Variants in MYO1D observed in about 807,000 individuals in gnomAD.
MYO1D encodes the protein myosin ID, also known as unconventional myosin-Id.
Under a neutral mutation model 122.0 loss-of-function variants are expected in MYO1D, and 83 were observed. The observed-to-expected ratio is 0.68, with a 90% CI of 0.57 to 0.82. MYO1D has a LOEUF of 0.82. Ranked by LOEUF, MYO1D falls within the 40% of genes least tolerant of loss-of-function variation. MYO1D has a pLI of 0.00. For synonymous variants in MYO1D, 464 were observed against 446.9 expected (o/e 1.04, Z -0.48); for missense variants, 1,157 against 1,269.5 (o/e 0.91, Z 1.35).
Position 32,532,145 on chromosome 17 carries a change from G to A in MYO1D, c.2865-37230C>T, listed in dbSNP as rs114406331. 6.1e-3 allele frequency among the ~76,000 whole-genome samples: 923 copies of A among 152,278 alleles called. 10 individuals carry two copies. Among genetic ancestry groups the A allele is most frequent in the African/African-American group, 0.022 (896 of 41,550 alleles). ...TCAGCTGACAATTTCCAATTTAAGC[G>A]GTGAGAAGTCAGTTCTTTAAAACAA... On this transcript the variant is annotated intron_variant, in intron 21 of 21. Coordinates refer to ENST00000318217, the MANE Select transcript of MYO1D (RefSeq NM_015194.3).
At chr17:32,694,872 C>T (rs1005580096) in intron 16 of MYO1D, among the ~76,000 whole-genome samples, 1 of 151,992 alleles carries the variant, frequency 6.6e-6, no homozygotes, top group Admixed American at 6.6e-5. Flanking sequence ...GCTTCTGTAC[C>T]TTCTACCTCT....
chr17:32,792,292 A>G (rs1355118945), intron 1 of MYO1D, among the ~76,000 whole-genome samples: 2 of 152,222 alleles, frequency 1.3e-5, no homozygotes, highest in Non-Finnish European at 2.9e-5. Flanking sequence ...ACCAATTTAA[A>G]CTTCTGCTTA....
intron 3 of MYO1D, among the ~76,000 whole-genome samples, chr17:32,778,112 G>C (rs1036002796): frequency 1.3e-5 from 2 of 152,082 alleles, no homozygotes; most frequent in African/African-American, 4.8e-5. Context: ...GTGAGAGTTT[G>C]AACAATAAAA....
In MYO1D at chr17:32,773,245, C is replaced by T. The variant is rs530688586; in HGVS notation, c.565-403G>A. On this transcript the variant is annotated intron_variant, in intron 4 of 21. Transcript: ENST00000318217. ...CTCAACCTCTTTCTCCTTTCAATTT[C>T]GGCGCCACCCTTCAATCTCCCCCTT... Among the ~76,000 whole-genome samples the T allele has an allele frequency of 4.6e-5, 7 of 152,324 alleles. No individual in the cohort carries two copies. In the South Asian group the frequency reaches 6.2e-4, roughly 14 times the overall value.
At chr17:32,532,555 G>A (rs1192074569) in intron 21 of MYO1D, among the ~76,000 whole-genome samples, 2 of 151,870 alleles carry the variant, frequency 1.3e-5, no homozygotes, top group Non-Finnish European at 2.9e-5. Context: ...GTGAAACCCC[G>A]TCTCTACTAA....
chr17:32,763,107 AC>A (rs1375182615), intron 8 of MYO1D, among the ~76,000 whole-genome samples: 2 of 117,746 alleles, frequency 1.7e-5, no homozygotes, highest in African/African-American at 2.8e-5. Flanking sequence ...AATGGCATGA[AC>A]CCGGAAGGCA....
At chr17:32,629,247 G>A (rs187551725) in intron 20 of MYO1D, among the ~76,000 whole-genome samples, 76 of 152,118 alleles carry the variant, frequency 5.0e-4, no homozygotes, top group African/African-American at 1.7e-3. Context: ...AACAGGTTAC[G>A]CACACAGGAT....
intron 21 of MYO1D, among the ~76,000 whole-genome samples, chr17:32,549,788 C>T (rs770100821): frequency 5.9e-5 from 9 of 152,262 alleles, no homozygotes; most frequent in East Asian, 5.8e-4. Flanking sequence ...ATGAAGGACA[C>T]GTTAATTGCA....
chr17:32,870,577 AT>A (rs2091169815), intron 1 of MYO1D, among the ~76,000 whole-genome samples: 1 of 147,426 alleles, frequency 6.8e-6, no homozygotes, highest in African/African-American at 2.5e-5. Context: ...AAAGTACAGT[AT>A]TTTGAGAAGA....
intron 1 of MYO1D, among the ~76,000 whole-genome samples, chr17:32,797,503 C>T (rs529100279): frequency 2.8e-4 from 42 of 152,214 alleles, no homozygotes; most frequent in Non-Finnish European, 5.0e-4. Context: ...GAAGATATTT[C>T]GAGAGAAACA....
intron 16 of MYO1D, among the ~76,000 whole-genome samples, chr17:32,701,546 A>G (rs926666529): frequency 2.4e-4 from 36 of 152,196 alleles, no homozygotes; most frequent in African/African-American, 7.9e-4. Context: ...TTTAAGGTAC[A>G]TTACTCTTTT....
intron 16 of MYO1D, among the ~76,000 whole-genome samples, chr17:32,711,443 C>T (rs544247291): frequency 6.6e-6 from 1 of 152,220 alleles, no homozygotes; most frequent in Non-Finnish European, 1.5e-5. Context: ...GTCACGAGTT[C>T]GAGACCAGCC....
intron 1 of MYO1D, among the ~76,000 whole-genome samples, chr17:32,816,876 T>A (rs1236831856): frequency 6.6e-6 from 1 of 152,172 alleles, no homozygotes; most frequent in South Asian, 2.1e-4. Flanking sequence ...CAGTCCCTTT[T>A]TGAATTTTTT....
chr17:32,737,874 A>G (rs1010875441), intron 14 of MYO1D, among the ~76,000 whole-genome samples: 1 of 152,208 alleles, frequency 6.6e-6, no homozygotes, highest in Admixed American at 6.5e-5. Context: ...ACAATATATA[A>G]ATGGTACATT....
intron 19 of MYO1D, among the ~76,000 whole-genome samples, chr17:32,646,392 C>T (rs920997847): frequency 2.0e-4 from 31 of 151,772 alleles, no homozygotes; most frequent in East Asian, 1.2e-3. Flanking sequence ...TTGCTTGAGC[C>T]CGGGAGTTTG....
At chr17:32,548,030 T>C (rs2086979549) in intron 21 of MYO1D, among the ~76,000 whole-genome samples, 1 of 152,136 alleles carries the variant, frequency 6.6e-6, no homozygotes, top group Admixed American at 6.5e-5. Flanking sequence ...GTTCTTAACA[T>C]GACGAGAGAG....
intron 10 of MYO1D, chr17:32,759,849 G>C (rs889111683): frequency 4.9e-6 from 2 of 410,942 alleles, no homozygotes; most frequent in Non-Finnish European, 8.6e-6. Context: ...GTAGGTTTCA[G>C]AGAATATAAA....
intron 16 of MYO1D, among the ~76,000 whole-genome samples, chr17:32,690,683 C>T (rs1196654758): frequency 6.6e-6 from 1 of 152,144 alleles, no homozygotes; most frequent in Admixed American, 6.5e-5. Flanking sequence ...ATGTCTCCCT[C>T]TCTTGCTCCT....
intron 16 of MYO1D, among the ~76,000 whole-genome samples, chr17:32,660,993 C>A (rs2088557602): frequency 6.6e-6 from 1 of 152,164 alleles, no homozygotes; most frequent in Non-Finnish European, 1.5e-5. Flanking sequence ...CTTGGAGCCA[C>A]ATCTATAAAG....
Sources: allele counts gnomAD v4.1 joint callset (sites outside exome capture counted in the v4.1 genomes callset), GRCh38; gene constraint gnomAD v4.1.1; transcripts MANE v1.5; gene names NCBI Gene and HGNC (gene_info 2026-07-23, HGNC 2026-07-21).